Variants in NPAS2 observed in about 807,000 individuals in gnomAD.
The protein encoded by NPAS2 is neuronal PAS domain-containing protein 2.
A neutral mutation model predicts 107.5 loss-of-function variants in NPAS2; 23 were observed. The observed-to-expected ratio is 0.21, with a 90% CI of 0.15 to 0.30. The LOEUF is 0.30. Ranked by LOEUF, NPAS2 falls within the 10% of genes least tolerant of loss-of-function variation. The probability of loss-of-function intolerance (pLI) is 1.00; values close to 1 mark genes in which losing one functional copy is unlikely to be tolerated. For missense variants in NPAS2, 756 were observed against 1,043.3 expected, an observed-to-expected ratio of 0.72 and a Z score of 3.79; for synonymous variants, 403 against 417.5, an observed-to-expected ratio of 0.97 and a Z score of 0.42.
chr2:100,838,708 T>C (rs1048074031), intron 1 of NPAS2, among the ~76,000 whole-genome samples: 1 of 152,102 alleles, frequency 6.6e-6, no homozygotes, highest in African/African-American at 2.4e-5. Context: ...TCTGAGAAAT[T>C]GAGATAACAA....
At chr2:100,830,976 G>A (rs922892117) in intron 1 of NPAS2, among the ~76,000 whole-genome samples, 3 of 152,114 alleles carry the variant, frequency 2.0e-5, no homozygotes, top group Admixed American at 2.0e-4. Flanking sequence ...ACAAGGGGAA[G>A]CCAGTCTGGC....
At chr2:100,969,811 A>G (rs1022493943) in intron 11 of NPAS2, among the ~76,000 whole-genome samples, 3 of 152,152 alleles carry the variant, frequency 2.0e-5, no homozygotes, top group Admixed American at 6.5e-5. Context: ...ACAGGTAGCC[A>G]TAGCACAGGT....
chr2:100,859,886 T>C (rs998794291), intron 1 of NPAS2, among the ~76,000 whole-genome samples: 6 of 152,226 alleles, frequency 3.9e-5, no homozygotes, highest in African/African-American at 1.2e-4. Flanking sequence ...TTGATCACAG[T>C]TGCCTATCAT....
chr2:100,917,534 A>T (rs915431282), intron 2 of NPAS2, among the ~76,000 whole-genome samples: 14 of 152,202 alleles, frequency 9.2e-5, no homozygotes, highest in African/African-American at 3.1e-4. Context: ...ATCTAAAAAA[A>T]TAATAAAAAT....
rs748216483 is a variant in NPAS2, at chr2:100,990,415, A to G, written c.1987A>G (p.Ser663Gly). The change falls in exon 18 of 21, where the codon AGC (serine) becomes GGC (glycine). Residue 663 changes from serine to glycine, a missense_variant. Coordinates refer to ENST00000335681, the MANE Select transcript of NPAS2 (RefSeq NM_002518.4). ...TSQDASQCQP[S>G]PDFSHDRQLR... ...CCAGGATGCCAGCCAGTGCCAGCCC[A>G]GCCCAGACTTCAGCCATGATCGGCA... 1.1e-5 allele frequency: 17 copies of G among 1,614,230 alleles called. No individual in the cohort carries two copies. The highest frequency in any genetic ancestry group is 1.4e-5 in the Non-Finnish European group (17 of 1,180,034).
rs935240286 is a variant in NPAS2, at chr2:100,854,370, G to A, written c.-23+33956G>A. 2.6e-5 allele frequency among the ~76,000 whole-genome samples: 4 copies of A among 151,992 alleles called. No individual in the cohort carries two copies. The East Asian group carries it at 5.8e-4, about 22-fold the overall frequency. On this transcript the variant is annotated intron_variant, in intron 1 of 20. Coordinates refer to ENST00000335681, the MANE Select transcript of NPAS2 (RefSeq NM_002518.4). ...CTACTGGGAAGGAAGTGGAGTAGGT[G>A]GCTGAATCCAAGCAAGAGAGAGAGA...
intron 1 of NPAS2, among the ~76,000 whole-genome samples, chr2:100,854,190 G>A (rs985643644): frequency 3.4e-5 from 5 of 146,454 alleles, no homozygotes; most frequent in Non-Finnish European, 7.5e-5. Context: ...AAAAGATGGA[G>A]TCCTGCCTTT....
At chr2:100,841,371 G>A (rs559684325) in intron 1 of NPAS2, among the ~76,000 whole-genome samples, 33 of 152,230 alleles carry the variant, frequency 2.2e-4, no homozygotes, top group Non-Finnish European at 3.8e-4. Context: ...AACCCGGGGG[G>A]TGGAGGTTGC....
intron 1 of NPAS2, among the ~76,000 whole-genome samples, chr2:100,891,159 G>T (rs373269921): frequency 9.2e-5 from 14 of 152,100 alleles, no homozygotes; most frequent in African/African-American, 2.9e-4. Context: ...GTGAACCCGG[G>T]GGGTGGAGCT....
chr2:100,957,062 G>T (rs540578596), intron 7 of NPAS2, among the ~76,000 whole-genome samples: 204 of 152,334 alleles, frequency 1.3e-3, no homozygotes, highest in African/African-American at 4.5e-3. Flanking sequence ...TTCAATGTTT[G>T]CACATTTTGG....
At chr2:100,964,446 G>A (rs1573737132) in intron 8 of NPAS2, among the ~76,000 whole-genome samples, 2 of 152,190 alleles carry the variant, frequency 1.3e-5, no homozygotes, top group South Asian at 2.1e-4. Context: ...CTTTCACACC[G>A]GCGTTAATAC....
intron 2 of NPAS2, among the ~76,000 whole-genome samples, chr2:100,910,633 A>T (rs777083320): frequency 2.7e-5 from 4 of 150,752 alleles, no homozygotes; most frequent in Non-Finnish European, 5.9e-5. Flanking sequence ...GGTTCAAGTG[A>T]TTCTCCTCCC....
intron 2 of NPAS2, among the ~76,000 whole-genome samples, chr2:100,908,262 G>A (rs895717939): frequency 6.6e-6 from 1 of 152,098 alleles, no homozygotes; most frequent in African/African-American, 2.4e-5. Flanking sequence ...CTGATCCCCT[G>A]GCACAGTGCA....
rs79218385 is a variant in NPAS2 at position 100,832,076 on chromosome 2, T to C, written c.-23+11662T>C. The stretch of plus-strand genomic sequence containing the variant: ...CATTGCTCTTGTCCTGATGTGTGTG[T>C]GTGTGATTCTCATGACCAAGCTGGG... On this transcript the variant is annotated intron_variant, in intron 1 of 20. Coordinates refer to ENST00000335681, the MANE Select transcript of NPAS2 (RefSeq NM_002518.4). Among the ~76,000 whole-genome samples the C allele has an allele frequency of 4.2e-3, 644 of 152,252 alleles. 26 individuals are homozygous for C. In the East Asian group the frequency reaches 0.11, roughly 25 times the overall value.
At position 100,846,094 on chromosome 2, in the gene NPAS2, CA is replaced by C. The variant is rs5832936; in HGVS notation, c.-23+25681del. Among the ~76,000 whole-genome samples the C allele has an allele frequency of 0.011, 1,645 of 152,286 alleles. 87 individuals carry two copies. The East Asian group carries it at 0.16, about 14-fold the overall frequency. On this transcript the variant is annotated intron_variant, in intron 1 of 20. Coordinates refer to ENST00000335681, the MANE Select transcript of NPAS2 (RefSeq NM_002518.4). Reference sequence around the variant, plus strand: ...GCCATGTGGGCCAGCCCTCGGTGCCCACGATTTCAGCACCTGCAGGCCCACA... The same window carrying C: ...GCCATGTGGGCCAGCCCTCGGTGCCCCGATTTCAGCACCTGCAGGCCCACA...
upstream of NPAS2, among the ~76,000 whole-genome samples, chr2:100,819,850 G>A (rs927288885): frequency 2.0e-5 from 3 of 152,154 alleles, no homozygotes; most frequent in East Asian, 5.9e-4. This position sits in a 1 kb window ranked among gnomAD's most constrained non-coding sequence, Gnocchi z 5.8. Flanking sequence ...GCCCGACCCC[G>A]CCGCGCGTCC....
chr2:100,922,348 G>A (rs1032225845), intron 2 of NPAS2, among the ~76,000 whole-genome samples: 6 of 152,162 alleles, frequency 3.9e-5, no homozygotes, highest in Admixed American at 2.0e-4. Flanking sequence ...TGTGGAGGCC[G>A]AGGCTGGTGG....
At chr2:100,947,090 C>G (rs1044846697) in intron 5 of NPAS2, among the ~76,000 whole-genome samples, 2 of 152,118 alleles carry the variant, frequency 1.3e-5, no homozygotes, top group African/African-American at 4.8e-5. Flanking sequence ...GCTGGATATT[C>G]AAACCTGAAA....
chr2:100,870,406 A>AT (rs1027768894), intron 1 of NPAS2, among the ~76,000 whole-genome samples: 9 of 148,850 alleles, frequency 6.0e-5, no homozygotes, highest in African/African-American at 2.0e-4. Flanking sequence ...CCCACCCCTC[A>AT]TTTTTTTGAG....
Sources: allele counts gnomAD v4.1 joint callset (sites outside exome capture counted in the v4.1 genomes callset), GRCh38; gene constraint gnomAD v4.1.1; non-coding constraint Gnocchi (gnomAD v3.1); transcripts MANE v1.5; gene names NCBI Gene and HGNC (gene_info 2026-07-23, HGNC 2026-07-21).